Variants in PDE10A observed in about 807,000 individuals in gnomAD.
PDE10A encodes the protein cAMP and cAMP-inhibited cGMP 3',5'-cyclic phosphodiesterase 10A.
A neutral mutation model predicts 97.7 loss-of-function variants in PDE10A; 39 were observed. The ratio of observed to expected loss-of-function variants is 0.40; its 90% confidence interval spans 0.31 to 0.52. The LOEUF (loss-of-function observed/expected upper bound fraction) is 0.52, where lower values mean the gene tolerates loss of function less well. Ranked by LOEUF, PDE10A falls within the 20% of genes least tolerant of loss-of-function variation. PDE10A has a pLI of 0.56. For missense variants in PDE10A, 731 were observed against 1,047.8 expected (o/e 0.70, Z 4.17); for synonymous variants, 371 against 376.8 (o/e 0.98, Z 0.18).
intron 2 of PDE10A, among the ~76,000 whole-genome samples, chr6:165,529,772 T>C (rs893579043): frequency 2.6e-5 from 4 of 152,198 alleles, no homozygotes; most frequent in Admixed American, 2.6e-4. Flanking sequence ...GTACGAAGGA[T>C]AGCTGTATTA....
chr6:165,968,482 C>T (rs1366917366), intron 1 of PDE10A, among the ~76,000 whole-genome samples: 1 of 152,176 alleles, frequency 6.6e-6, no homozygotes, highest in Non-Finnish European at 1.5e-5. Flanking sequence ...ATGGGCCAAA[C>T]ATTTTCAACA....
chr6:165,898,674 C>T (rs1436922620), intron 1 of PDE10A, among the ~76,000 whole-genome samples: 9 of 152,032 alleles, frequency 5.9e-5, no homozygotes, highest in African/African-American at 2.2e-4. Context: ...CTGGGACCCT[C>T]CCAACCTCCC....
intron 1 of PDE10A, among the ~76,000 whole-genome samples, chr6:165,916,040 G>A (rs527542647): frequency 6.6e-6 from 1 of 152,202 alleles, no homozygotes; most frequent in African/African-American, 2.4e-5. Context: ...CTCTAAATTT[G>A]GATGTAAACA....
chr6:165,437,476 C>T (rs372904507), intron 5 of PDE10A, among the ~76,000 whole-genome samples: 41 of 152,176 alleles, frequency 2.7e-4, no homozygotes, highest in African/African-American at 9.4e-4. Flanking sequence ...CTATTTATTA[C>T]GCTTGCTGAA....
chr6:165,944,922 G>T (rs944528167), intron 1 of PDE10A, among the ~76,000 whole-genome samples: 2 of 152,214 alleles, frequency 1.3e-5, no homozygotes, highest in Non-Finnish European at 2.9e-5. Flanking sequence ...AGAAGGCAGG[G>T]CTTCAATTTC....
intron 1 of PDE10A, among the ~76,000 whole-genome samples, chr6:165,983,254 T>C (rs1785075998): frequency 6.6e-6 from 1 of 152,178 alleles, no homozygotes; most frequent in Non-Finnish European, 1.5e-5. Flanking sequence ...CAATGACCCA[T>C]TTACTATCCT....
rs1443701904 is a variant in PDE10A, at chr6:165,661,793, C to G, written c.865+154G>C. On this transcript the variant is annotated intron_variant, in intron 1 of 21. Transcript: ENST00000539869. This position sits in a 1 kb window ranked among gnomAD's most constrained non-coding sequence, Gnocchi z 4.8. ...CCGCGCTCCGCCAGGGGCACCGGCT[C>G]CTGCCCCTCCAGAGAAGCCCCCTGG... 6.6e-6 allele frequency among the ~76,000 whole-genome samples: 1 copy of G among 152,124 alleles called. No homozygotes were observed. Among genetic ancestry groups the G allele is most frequent in the Non-Finnish European group, 1.5e-5 (1 of 68,006 alleles).
chr6:165,570,851 A>T (rs1210114728), intron 1 of PDE10A, among the ~76,000 whole-genome samples: 2 of 152,200 alleles, frequency 1.3e-5, no homozygotes, highest in Non-Finnish European at 2.9e-5. Context: ...GCTTGCTCCT[A>T]TTGGAAATAC....
chr6:165,941,010 T>C (rs1783499547), intron 1 of PDE10A, among the ~76,000 whole-genome samples: 1 of 152,150 alleles, frequency 6.6e-6, no homozygotes, highest in South Asian at 2.1e-4. Context: ...TCAACACTTC[T>C]TGGTGTAGAG....
chr6:165,823,110 G>A (rs536329187), intron 1 of PDE10A, among the ~76,000 whole-genome samples: 1 of 151,958 alleles, frequency 6.6e-6, no homozygotes, highest in Admixed American at 6.6e-5. Context: ...GGGATTACAG[G>A]AGTGAGCCAC....
chr6:165,916,900 C>A (rs1446332731), intron 1 of PDE10A, among the ~76,000 whole-genome samples: 2 of 152,128 alleles, frequency 1.3e-5, no homozygotes, highest in Admixed American at 1.3e-4. Flanking sequence ...CCATACATAG[C>A]AGGCTCTCCC....
chr6:165,821,154 T>G (rs1397926063), intron 1 of PDE10A, among the ~76,000 whole-genome samples: 1 of 152,204 alleles, frequency 6.6e-6, no homozygotes, highest in African/African-American at 2.4e-5. Flanking sequence ...TGGAAGGACA[T>G]GGAGCAGCAG....
intron 1 of PDE10A, among the ~76,000 whole-genome samples, chr6:165,728,285 C>G (rs1214666131): frequency 6.6e-6 from 1 of 152,152 alleles, no homozygotes; most frequent in African/African-American, 2.4e-5. Flanking sequence ...AGAGCAGCTT[C>G]TGATGCAAAA....
At chr6:165,403,377 T>C (rs1301370502) in intron 13 of PDE10A, among the ~76,000 whole-genome samples, 1 of 152,182 alleles carries the variant, frequency 6.6e-6, no homozygotes, top group Non-Finnish European at 1.5e-5. Flanking sequence ...CATGGGTAGC[T>C]TGAAATTGTC....
intron 1 of PDE10A, among the ~76,000 whole-genome samples, chr6:165,872,323 G>A (rs1302676087): frequency 6.6e-6 from 1 of 152,152 alleles, no homozygotes; most frequent in Non-Finnish European, 1.5e-5. Flanking sequence ...TATTAACCTT[G>A]TAGCAAGGAG....
chr6:165,466,590 C>G (rs1312731242), intron 3 of PDE10A, among the ~76,000 whole-genome samples: 1 of 152,336 alleles, frequency 6.6e-6, no homozygotes, highest in East Asian at 1.9e-4. Flanking sequence ...CACTTCATGT[C>G]TCTATGTCAC....
chr6:165,885,468 C>T (rs1167656684), intron 1 of PDE10A, among the ~76,000 whole-genome samples: 1 of 152,158 alleles, frequency 6.6e-6, no homozygotes, highest in Non-Finnish European at 1.5e-5. Context: ...CCAGGTGCCT[C>T]CCCTGACACA....
At chr6:165,591,617 G>A (rs1191642458) in intron 1 of PDE10A, among the ~76,000 whole-genome samples, 1 of 152,192 alleles carries the variant, frequency 6.6e-6, no homozygotes, top group Non-Finnish European at 1.5e-5. Flanking sequence ...GCAATGTCAA[G>A]TTCACCTCCT....
chr6:165,814,746 T>A (rs949372164), intron 1 of PDE10A, among the ~76,000 whole-genome samples: 9 of 152,140 alleles, frequency 5.9e-5, no homozygotes, highest in Admixed American at 4.6e-4. Context: ...AAAATTATTA[T>A]AGTCAAATGA....
Sources: gnomAD v4.1 joint callset for allele counts (sites outside exome capture counted in the v4.1 genomes callset) on GRCh38, gnomAD v4.1.1 for gene constraint, Gnocchi (gnomAD v3.1) non-coding constraint, MANE v1.5 for transcripts, NCBI Gene and HGNC (gene_info 2026-07-23, HGNC 2026-07-21) for gene names.